Variants in GABRA2 observed in about 807,000 individuals in gnomAD.
GABRA2 encodes the protein gamma-aminobutyric acid type A receptor subunit alpha2, also known as gamma-aminobutyric acid receptor subunit alpha-2.
In GABRA2, 16 loss-of-function variants were observed where a neutral mutation model predicts 48.7. That is an observed-to-expected ratio of 0.33 (90% CI 0.22 to 0.50). The LOEUF (loss-of-function observed/expected upper bound fraction) is 0.50. Among genes scored for constraint, GABRA2 ranks in the 20% least tolerant of loss-of-function variants. GABRA2 has a pLI of 0.98. For missense variants in GABRA2, 275 were observed against 535.6 expected (o/e 0.51, Z 4.80); for synonymous variants, 185 against 184.5 (o/e 1.00, Z -0.02).
chr4:46,357,083 A>T (rs910615857), intron 3 of GABRA2, among the ~76,000 whole-genome samples: 1 of 151,812 alleles, frequency 6.6e-6, no homozygotes, highest in African/African-American at 2.4e-5. Flanking sequence ...ATTTAGGCAT[A>T]GGTCAGAAAG....
rs2109642199 is a variant in GABRA2, at chr4:46,305,493, T to C, written c.703+75A>G. 3 of 1,360,576 alleles carry C rather than the reference T, an allele frequency of 2.2e-6. No homozygotes were observed. The South Asian group carries it at 4.0e-5, about 18-fold the overall frequency. 84.3% of individuals were successfully genotyped at this position (1,360,576 alleles called of 1,614,324 possible). A position where few individuals can be genotyped will look rare whatever the true frequency, so the allele number is the denominator to read the frequency against. On this transcript the variant is annotated intron_variant, in intron 7 of 9. Transcript: ENST00000381620. ...CTCAAGAGCAAAAGATTTTAAGCAATCTGACACACTTCCAAGTCCTTTAAC... is the reference window on the plus strand; with the variant it reads ...CTCAAGAGCAAAAGATTTTAAGCAACCTGACACACTTCCAAGTCCTTTAAC...
In GABRA2 at chr4:46,293,331, T is replaced by G. The variant is rs116183285; in HGVS notation, c.856+10129A>C. ...GGGACCCCACCACACTACCGACAAT[T>G]CATGCCATTAATCTTTCTCCCATTC... On this transcript the variant is annotated intron_variant, in intron 8 of 9. Transcript: ENST00000381620. Among the ~76,000 whole-genome samples the G allele has an allele frequency of 6.5e-3, 994 of 152,236 alleles. 8 individuals are homozygous for G. Among genetic ancestry groups the G allele is most frequent in the Non-Finnish European group, 0.011 (754 of 67,988 alleles).
At chr4:46,327,375 T>A (rs1730567602) in intron 4 of GABRA2, among the ~76,000 whole-genome samples, 1 of 151,994 alleles carries the variant, frequency 6.6e-6, no homozygotes, top group African/African-American at 2.4e-5. Context: ...TTATTATAAA[T>A]TCTAGGAGGG....
chr4:46,389,100 G>A, intron 1 of GABRA2: 2 of 1,008,490 alleles, frequency 2.0e-6, no homozygotes, highest in Non-Finnish European at 2.4e-6. Context: ...TGGGTTGGAG[G>A]GGAGGGGAGG....
At chr4:46,293,839 C>T (rs925617821) in intron 8 of GABRA2, among the ~76,000 whole-genome samples, 1 of 152,170 alleles carries the variant, frequency 6.6e-6, no homozygotes, top group Non-Finnish European at 1.5e-5. Flanking sequence ...CACCACATCC[C>T]CATTCAAGTC....
chr4:46,377,545 C>A (rs1371887085), intron 3 of GABRA2, among the ~76,000 whole-genome samples: 1 of 151,682 alleles, frequency 6.6e-6, no homozygotes, highest in African/African-American at 2.4e-5. Flanking sequence ...CCAGCAGCCA[C>A]CCCGTCTGGG....
At chr4:46,328,938 G>T (rs1468909246) in intron 4 of GABRA2, among the ~76,000 whole-genome samples, 1 of 151,936 alleles carries the variant, frequency 6.6e-6, no homozygotes, top group African/African-American at 2.4e-5. Context: ...TCCATAAAAT[G>T]TATATTTTTT....
chr4:46,329,558 G>A (rs1365537568), intron 4 of GABRA2, among the ~76,000 whole-genome samples: 3 of 152,106 alleles, frequency 2.0e-5, no homozygotes, highest in African/African-American at 4.8e-5. Context: ...GGGAAAGGGT[G>A]TTCTTTCCAG....
At chr4:46,254,836 C>T (rs1715490866) in intron 9 of GABRA2, among the ~76,000 whole-genome samples, 2 of 151,560 alleles carry the variant, frequency 1.3e-5, no homozygotes, top group South Asian at 4.1e-4. Context: ...GTGCACTCAG[C>T]TTCCATCCAC....
chr4:46,305,909 G>T (rs1053114998), intron 6 of GABRA2, among the ~76,000 whole-genome samples, 198 bp from the exon 7 acceptor site: 6 of 152,162 alleles, frequency 3.9e-5, no homozygotes, highest in South Asian at 2.1e-4. Context: ...AGATGATCAT[G>T]ACCATGACAG....
intron 3 of GABRA2, among the ~76,000 whole-genome samples, chr4:46,351,150 A>G (rs1302622423): frequency 1.3e-5 from 2 of 151,798 alleles, no homozygotes. Context: ...GCTATTAACC[A>G]TAGTGAATAT....
intron 4 of GABRA2, among the ~76,000 whole-genome samples, chr4:46,318,746 A>G (rs1728957921): frequency 6.6e-6 from 1 of 151,706 alleles, no homozygotes; most frequent in African/African-American, 2.4e-5. Context: ...TGCAGTGGAG[A>G]ATACACATAC....
rs1377419629 is a variant in GABRA2 at position 46,368,994 on chromosome 4, T to A, written c.187+17080A>T. 7.8e-5 allele frequency: 55 copies of A among 700,910 alleles called. No homozygotes were observed. The highest frequency in any genetic ancestry group is 1.3e-4 in the Non-Finnish European group (50 of 383,668). The allele number at this position is 700,910 out of a possible 1,614,324, so 43.4% of individuals were successfully genotyped here. Reference sequence around the variant, plus strand: ...AGGCTATGTTACACAGACTGGAGATTCCACTCTGGAAACTGGGAAAGAAGA... The same window carrying A: ...AGGCTATGTTACACAGACTGGAGATACCACTCTGGAAACTGGGAAAGAAGA... On this transcript the variant is annotated intron_variant, in intron 3 of 9. Transcript: ENST00000381620.
rs1318185450 is a variant in GABRA2, at chr4:46,247,546, A to G, written c.*2762T>C. ...AGTAGCTATAAAATAATGAGATTAT[A>G]TCTCTATATATGTACATGTATTTAT... On this transcript the variant is annotated 3_prime_UTR_variant, in exon 10 of 10. Transcript: ENST00000381620. Among the ~76,000 whole-genome samples, 2 of 151,106 alleles carry G rather than the reference A, an allele frequency of 1.3e-5. No homozygotes were observed. Among genetic ancestry groups the G allele is most frequent in the African/African-American group, 2.4e-5 (1 of 41,322 alleles).
intron 9 of GABRA2, chr4:46,261,624 T>C: frequency 2.1e-6 from 1 of 473,494 alleles, no homozygotes; most frequent in South Asian, 3.8e-5. Context: ...AAAATAAGAA[T>C]AAGAAGGCAG....
chr4:46,323,879 G>A (rs923179928), intron 4 of GABRA2, among the ~76,000 whole-genome samples: 4 of 152,026 alleles, frequency 2.6e-5, no homozygotes, highest in South Asian at 2.1e-4. Context: ...ATTTGGCAAA[G>A]GAGGAGGTAA....
chr4:46,312,255 T>C (rs139253045), intron 5 of GABRA2, among the ~76,000 whole-genome samples: 47 of 152,144 alleles, frequency 3.1e-4, no homozygotes, highest in African/African-American at 1.1e-3. Context: ...ATGAAAAACA[T>C]CAATTCATAA....
chr4:46,302,054 C>A (rs895387563), intron 8 of GABRA2, among the ~76,000 whole-genome samples: 1 of 151,486 alleles, frequency 6.6e-6, no homozygotes, highest in Admixed American at 6.6e-5. Context: ...GAATAATATA[C>A]CACTCCTTTT....
intron 4 of GABRA2, among the ~76,000 whole-genome samples, chr4:46,317,187 A>C (rs984820609): frequency 1.3e-5 from 2 of 151,898 alleles, no homozygotes; most frequent in Non-Finnish European, 2.9e-5. Flanking sequence ...TTTCAATGAA[A>C]GTCACATGAG....
Sources: allele counts gnomAD v4.1 joint callset (sites outside exome capture counted in the v4.1 genomes callset), GRCh38; gene constraint gnomAD v4.1.1; transcripts MANE v1.5; gene names NCBI Gene and HGNC (gene_info 2026-07-23, HGNC 2026-07-21).